CNIH4: variants seen among roughly 807,000 people sequenced by gnomAD.
CNIH4 encodes the protein cornichon family member 4.
CNIH4 carries 9 observed loss-of-function variants against 21.5 expected under a neutral mutation model. The observed-to-expected ratio is 0.42, with a 90% CI of 0.25 to 0.73. The LOEUF (loss-of-function observed/expected upper bound fraction) is 0.73. Among genes scored for constraint, CNIH4 ranks in the 30% least tolerant of loss-of-function variants. The pLI is 0.27. For missense variants in CNIH4, 159 were observed against 170.0 expected (o/e 0.94, Z 0.36); for synonymous variants, 67 against 59.1 (o/e 1.13, Z -0.61).
Position 224,376,997 on chromosome 1 carries a change from G to C in CNIH4, c.*1175G>C, listed in dbSNP as rs1406356067. 2.4e-6 allele frequency: 2 copies of C among 842,622 alleles called. No homozygotes were observed. The highest frequency in any genetic ancestry group is 3.7e-5 in the African/African-American group (2 of 54,292). The allele number at this position is 842,622 out of a possible 1,614,324, so 52.2% of individuals were successfully genotyped here. On this transcript the variant is annotated 3_prime_UTR_variant, in exon 5 of 5. Transcript: ENST00000465271. ...TATTCACTCTAGTTGAGATAGAATT[G>C]GGTGGCTAAACAGGGTGTGTGGTAC...
chr1:224,376,814 A>C lies in CNIH4; in HGVS notation c.*992A>C. ...TATATTGTAAACTCTTGCAGGTGGG[A>C]GAGCAGTTCACCTCCTTAGCTCTGT... On this transcript the variant is annotated 3_prime_UTR_variant, in exon 5 of 5. Transcript: ENST00000465271. 2 of 985,410 alleles carry C rather than the reference A, an allele frequency of 2.0e-6. No homozygotes were observed. Among genetic ancestry groups the C allele is most frequent in the East Asian group, 2.3e-4 (2 of 8,822 alleles). 61.0% of individuals were successfully genotyped at this position (985,410 alleles called of 1,614,324 possible). A position where few individuals can be genotyped will look rare whatever the true frequency, so the allele number is the denominator to read the frequency against.
chr1:224,378,993 AGAC>A lies in CNIH4; in HGVS notation c.*3172_*3174del. On this transcript the variant is annotated 3_prime_UTR_variant, in exon 5 of 5. Transcript: ENST00000465271. ...TGGCAGTACCCAGGGCCCGGTCCAT[AGAC>A]TACTATCGAGTGCTCCTATGTGCAT... 7.0e-7 allele frequency: 1 copy of A among 1,432,474 alleles called. No individual in the cohort carries two copies. Among genetic ancestry groups the A allele is most frequent in the Non-Finnish European group, 9.6e-7 (1 of 1,039,292 alleles). 88.7% of individuals were successfully genotyped at this position (1,432,474 alleles called of 1,614,324 possible). A position where few individuals can be genotyped will look rare whatever the true frequency, so the allele number is the denominator to read the frequency against.
chr1:224,368,720 G>T (rs1672536926), intron 3 of CNIH4, among the ~76,000 whole-genome samples: 1 of 151,662 alleles, frequency 6.6e-6, no homozygotes, highest in African/African-American at 2.4e-5. Flanking sequence ...GCAGTGGCGT[G>T]ATGTTTGCTT....
At position 224,365,948 on chromosome 1, in the gene CNIH4, A is replaced by G; in HGVS notation, c.208A>G (p.Ile70Val). Residue 70 changes from isoleucine (I) to valine (V), a missense_variant, in exon 3 of 5, where the codon ATC (isoleucine) becomes GTC (valine). Coordinates refer to ENST00000465271, the MANE Select transcript of CNIH4 (RefSeq NM_014184.4). ...ACTGCTCATGTCATTGCACTGGTTC[A>G]TCTTCCTTCTCAACTTACCTGTTGC... Reference protein sequence around the residue: ...VLLLMSLHWFIFLLNLPVATW... With the variant: ...VLLLMSLHWFVFLLNLPVATW... The G allele has an allele frequency of 1.2e-6, 2 of 1,612,714 alleles. No homozygotes were observed. The highest frequency in any genetic ancestry group is 1.1e-5 in the South Asian group (1 of 91,052).
At chr1:224,359,385 T>C (rs980267178) in intron 1 of CNIH4, among the ~76,000 whole-genome samples, 1 of 152,086 alleles carries the variant, frequency 6.6e-6, no homozygotes, top group African/African-American at 2.4e-5. Context: ...GGAGGGAATA[T>C]GTGAGTAGTA....
In CNIH4 at chr1:224,378,972, AG is replaced by A; in HGVS notation, c.*3151del. 2 of 1,192,204 alleles carry A rather than the reference AG, an allele frequency of 1.7e-6. No homozygotes were observed. Among genetic ancestry groups the A allele is most frequent in the Non-Finnish European group, 1.2e-6 (1 of 820,526 alleles). 73.9% of individuals were successfully genotyped at this position (1,192,204 alleles called of 1,614,324 possible). The stretch of plus-strand genomic sequence containing the variant: ...CTCTTCCCCTTCCCTCTATAATGGC[AG>A]TACCCAGGGCCCGGTCCATAGACTA... On this transcript the variant is annotated 3_prime_UTR_variant, in exon 5 of 5. Coordinates refer to ENST00000465271, the MANE Select transcript of CNIH4 (RefSeq NM_014184.4).
intron 1 of CNIH4, among the ~76,000 whole-genome samples, chr1:224,360,174 T>C (rs1672237498): frequency 6.6e-6 from 1 of 151,772 alleles, no homozygotes; most frequent in Non-Finnish European, 1.5e-5. Flanking sequence ...CTTCAGGCGA[T>C]CCTCCTGCCT....
At chr1:224,368,066 C>T (rs189855313) in intron 3 of CNIH4, among the ~76,000 whole-genome samples, 48 of 152,286 alleles carry the variant, frequency 3.2e-4, no homozygotes, top group African/African-American at 9.4e-4. Flanking sequence ...CGTGGTGGCC[C>T]ATGCCTATAA....
At chr1:224,359,574 T>C (rs1672214408) in intron 1 of CNIH4, among the ~76,000 whole-genome samples, 1 of 152,186 alleles carries the variant, frequency 6.6e-6, no homozygotes, top group South Asian at 2.1e-4. Flanking sequence ...CTTTATTTTA[T>C]TTTCATGTTT....
rs1572137349 is a variant in CNIH4 at position 224,376,023 on chromosome 1, C to G, written c.*201C>G. The G allele has an allele frequency of 3.6e-5, 46 of 1,275,274 alleles. No individual in the cohort carries two copies. In the East Asian group the frequency reaches 1.4e-3, roughly 38 times the overall value. The allele number at this position is 1,275,274 out of a possible 1,614,324, so 79.0% of individuals were successfully genotyped here. A position where few individuals can be genotyped will look rare whatever the true frequency, so the allele number is the denominator to read the frequency against. On this transcript the variant is annotated 3_prime_UTR_variant, in exon 5 of 5. Coordinates refer to ENST00000465271, the MANE Select transcript of CNIH4 (RefSeq NM_014184.4). ...GTTTCTGTAGATTTCTAGTTCTCAA[C>G]TTTAGCCTGAACGCCAACACTTGAA...
At chr1:224,361,961 C>T (rs1333075068) in intron 2 of CNIH4, among the ~76,000 whole-genome samples, 1 of 152,198 alleles carries the variant, frequency 6.6e-6, no homozygotes, top group Non-Finnish European at 1.5e-5. Context: ...CTTATCTTTA[C>T]ACTTGATTCA....
At chr1:224,361,086 TA>T (rs1672273567) in intron 2 of CNIH4, among the ~76,000 whole-genome samples, 1 of 151,756 alleles carries the variant, frequency 6.6e-6, no homozygotes, top group Non-Finnish European at 1.5e-5. Flanking sequence ...TAGCTGGGAC[TA>T]CAGGCGCATG....
intron 2 of CNIH4, among the ~76,000 whole-genome samples, chr1:224,364,650 G>A (rs1228272498): frequency 6.6e-6 from 1 of 152,096 alleles, no homozygotes; most frequent in Non-Finnish European, 1.5e-5. Context: ...AAAAAGTATA[G>A]CCGGCAGGGC....
Position 224,356,986 on chromosome 1 carries a change from T to C in CNIH4, c.62T>C (p.Val21Ala). 9 of 1,611,776 alleles carry C rather than the reference T, an allele frequency of 5.6e-6. No individual in the cohort carries two copies. The highest frequency in any genetic ancestry group is 7.6e-6 in the Non-Finnish European group (9 of 1,179,082). Residue 21 changes from valine to alanine, a missense_variant, in exon 1 of 5, where the codon GTC (valine) becomes GCC (alanine). Transcript: ENST00000465271. ...LDCCALIFLS[V>A]YFIITLSDLE... ...TGTTGCGCGCTCATCTTCCTCTCGGTCTACTTCGTATCCTTGCCTGAGGCA... is the reference window on the plus strand; with the variant it reads ...TGTTGCGCGCTCATCTTCCTCTCGGCCTACTTCGTATCCTTGCCTGAGGCA...
chr1:224,371,596 C>T (rs1432964470), intron 4 of CNIH4, among the ~76,000 whole-genome samples, 173 bp downstream of exon 4: 2 of 152,138 alleles, frequency 1.3e-5, no homozygotes, highest in Non-Finnish European at 2.9e-5. Context: ...TCTGTCTGAA[C>T]TACAGTAGAT....
intron 2 of CNIH4, among the ~76,000 whole-genome samples, chr1:224,362,397 CTCTT>C (rs964645277): frequency 7.9e-5 from 12 of 151,270 alleles, no homozygotes; most frequent in Non-Finnish European, 1.5e-4. Context: ...CTCTCTCTCT[CTCTT>C]TCTCTCTTTT....
rs573343321 is a variant in CNIH4 at position 224,379,228 on chromosome 1, TG to T, written c.*3407del. 63 of 852,450 alleles carry T rather than the reference TG, an allele frequency of 7.4e-5. No individual in the cohort carries two copies. In the East Asian group the frequency reaches 1.6e-3, roughly 22 times the overall value. The allele number at this position is 852,450 out of a possible 1,614,324, so 52.8% of individuals were successfully genotyped here. A position where few individuals can be genotyped will look rare whatever the true frequency, so the allele number is the denominator to read the frequency against. On this transcript the variant is annotated 3_prime_UTR_variant, in exon 5 of 5. Coordinates refer to ENST00000465271, the MANE Select transcript of CNIH4 (RefSeq NM_014184.4). ...GTAGGACAAAACCTGACCTGGTCTT[TG>T]AAGTTAAGAGCTAAGAAAGCTTCCT... is the stretch of plus-strand genomic sequence containing the variant.
At chr1:224,358,647 C>G (rs1002912665) in intron 1 of CNIH4, among the ~76,000 whole-genome samples, 1 of 152,168 alleles carries the variant, frequency 6.6e-6, no homozygotes, top group African/African-American at 2.4e-5. Flanking sequence ...CAAGGCAATT[C>G]TTCTTCCAGT....
intron 2 of CNIH4, among the ~76,000 whole-genome samples, chr1:224,363,439 C>G (rs1218908515): frequency 6.6e-6 from 1 of 152,156 alleles, no homozygotes; most frequent in Non-Finnish European, 1.5e-5. Flanking sequence ...TCCTAGTTCT[C>G]TGCGAATACT....
Sources: allele counts gnomAD v4.1 joint callset (sites outside exome capture counted in the v4.1 genomes callset), GRCh38; gene constraint gnomAD v4.1.1; transcripts MANE v1.5; gene names NCBI Gene and HGNC (gene_info 2026-07-23, HGNC 2026-07-21).